The following SSX2IP variants were observed in gnomAD, a reference collection of about 807,000 sequenced individuals.
The protein encoded by SSX2IP is afadin- and alpha-actinin-binding protein.
SSX2IP carries 55 observed loss-of-function variants against 84.9 expected under a neutral mutation model. The observed-to-expected ratio is 0.65, with a 90% CI of 0.52 to 0.81. The LOEUF (loss-of-function observed/expected upper bound fraction) is 0.81. Among genes scored for constraint, SSX2IP ranks in the 30% least tolerant of loss-of-function variants. SSX2IP has a pLI of 0.00. For missense variants in SSX2IP, 664 were observed against 705.2 expected, an observed-to-expected ratio of 0.94 and a Z score of 0.66; for synonymous variants, 239 against 234.7, an observed-to-expected ratio of 1.02 and a Z score of -0.17.
intron 1 of SSX2IP, chr1:84,690,055 G>C (rs909023453): frequency 6.6e-6 from 1 of 152,136 alleles, no homozygotes; most frequent in Non-Finnish European, 1.5e-5. Flanking sequence ...CGCCAACCTT[G>C]CTCCATCCCA....
chr1:84,675,549 G>A (rs1654203529), intron 1 of SSX2IP, among the ~76,000 whole-genome samples: 1 of 152,120 alleles, frequency 6.6e-6, no homozygotes, highest in Non-Finnish European at 1.5e-5. Flanking sequence ...AAAATTCCTT[G>A]TGGGCCTCAA....
intron 1 of SSX2IP, among the ~76,000 whole-genome samples, chr1:84,682,197 C>G (rs562104137): frequency 6.6e-6 from 1 of 152,272 alleles, no homozygotes; most frequent in South Asian, 2.1e-4. Context: ...AATGTTTTCA[C>G]CTGTTTTGGA....
At chr1:84,653,068 C>A (rs1650551119) in intron 11 of SSX2IP, among the ~76,000 whole-genome samples, 2 of 152,068 alleles carry the variant, frequency 1.3e-5, no homozygotes, top group South Asian at 4.2e-4. Context: ...AGAAAAATTT[C>A]ACTTACGAAA....
chr1:84,681,229 T>C (rs1449845506), intron 1 of SSX2IP, among the ~76,000 whole-genome samples: 1 of 152,188 alleles, frequency 6.6e-6, no homozygotes, highest in Non-Finnish European at 1.5e-5. Context: ...AGAGCAAGCA[T>C]AATATATATT....
At chr1:84,665,525 T>G (rs1266809300) in intron 5 of SSX2IP, among the ~76,000 whole-genome samples, 1 of 152,188 alleles carries the variant, frequency 6.6e-6, no homozygotes, top group Non-Finnish European at 1.5e-5. Flanking sequence ...ACATAATAGT[T>G]TCTTTCTACA....
Position 84,656,471 on chromosome 1 carries a change from G to A in SSX2IP, c.1092C>T (p.His364=), listed in dbSNP as rs1651143045. 1.2e-6 allele frequency: 2 copies of A among 1,611,326 alleles called. No homozygotes were observed. Among genetic ancestry groups the A allele is most frequent in the South Asian group, 1.1e-5 (1 of 90,396 alleles). The part of the protein sequence containing the change: ...EKLDNQVSKV[H]LEGFNDEDVI... ...CATCTTCATCATTAAAACCTTCCAGGTGTACCTTTGAAACTAAGACAAAAT... is the reference window on the plus strand; with the variant it reads ...CATCTTCATCATTAAAACCTTCCAGATGTACCTTTGAAACTAAGACAAAAT... Residue 364 remains histidine (H), a synonymous_variant, in exon 10 of 14, where the codon CAC becomes CAT. Transcript: ENST00000342203.
At chr1:84,665,383 C>T (rs183628956) in intron 5 of SSX2IP, among the ~76,000 whole-genome samples, 1 of 152,168 alleles carries the variant, frequency 6.6e-6, no homozygotes, top group East Asian at 1.9e-4. Flanking sequence ...TAAACCACTC[C>T]AGGGCGCTTT....
chr1:84,669,202 T>C (rs1211158097), intron 4 of SSX2IP, among the ~76,000 whole-genome samples: 2 of 151,904 alleles, frequency 1.3e-5, no homozygotes, highest in Non-Finnish European at 2.9e-5. Flanking sequence ...GCAAGTTTAC[T>C]AAAGCATTTT....
Position 84,647,497 on chromosome 1 carries a change from C to T in SSX2IP, c.1781G>A (p.Gly594Asp). The T allele has an allele frequency of 6.2e-7, 1 of 1,613,128 alleles. No homozygotes were observed. Among genetic ancestry groups the T allele is most frequent in the Non-Finnish European group, 8.5e-7 (1 of 1,179,422 alleles). ...GCTCAAGGAGCATCCACTATAGCAA[C>T]CTTCCTGTGATCCAGGTCTTGATGC... is the stretch of plus-strand genomic sequence containing the variant. ...SVASRPGSQE[G>D]CYSGCSLSYT... is the part of the protein sequence containing the mutation. Residue 594 changes from glycine to aspartate, a missense_variant, in exon 14 of 14, where the codon GGT becomes GAT. Transcript: ENST00000342203.
At chr1:84,651,826 A>G in intron 12 of SSX2IP, 57 bp downstream of exon 12, 1 of 1,028,752 alleles carries the variant, frequency 9.7e-7, no homozygotes, top group African/African-American at 1.6e-5. Context: ...ATTTTGTAAT[A>G]TGTAAATAAT....
At chr1:84,652,241 G>A (rs897030217) in intron 11 of SSX2IP, 7 of 376,088 alleles carry the variant, frequency 1.9e-5, no homozygotes, top group Non-Finnish European at 3.5e-5. Context: ...TAGGCAACAC[G>A]GCAAAACCCT....
intron 1 of SSX2IP, among the ~76,000 whole-genome samples, chr1:84,679,565 G>A (rs1365941092): frequency 6.6e-6 from 1 of 152,126 alleles, no homozygotes; most frequent in African/African-American, 2.4e-5. Flanking sequence ...TCAGAGGCCC[G>A]GGTCAACAGA....
At chr1:84,684,460 G>C (rs1330572745) in intron 1 of SSX2IP, among the ~76,000 whole-genome samples, 1 of 152,218 alleles carries the variant, frequency 6.6e-6, no homozygotes, top group Non-Finnish European at 1.5e-5. Flanking sequence ...GCACTAAATG[G>C]AGGCTGAAAA....
intron 8 of SSX2IP, among the ~76,000 whole-genome samples, chr1:84,660,895 CAAAAAAAAAAAA>C (rs11362631): frequency 1.0e-5 from 1 of 98,050 alleles, no homozygotes. Context: ...TACTAAAATA[CAAAAAAAAAAAA>C]AAAAAAAAAA....
In SSX2IP at chr1:84,677,551, T is replaced by C. The variant is rs78501383; in HGVS notation, c.-89-6243A>G. Among the ~76,000 whole-genome samples, 19 of 152,270 alleles carry C rather than the reference T, an allele frequency of 1.2e-4. No individual in the cohort carries two copies. In the South Asian group the frequency reaches 3.5e-3, roughly 28 times the overall value. On this transcript the variant is annotated intron_variant, in intron 1 of 13. Transcript: ENST00000342203. ...CTCTTGGGTTATTCTGTTCCTTGAG[T>C]ATGGGCTAGATTTATTGACTAGCTT... is the stretch of plus-strand genomic sequence containing the variant.
At position 84,656,079 on chromosome 1, in the gene SSX2IP, G is replaced by A. The variant is rs923219800; in HGVS notation, c.1216-74C>T. On this transcript the variant is annotated intron_variant, in intron 10 of 13. Coordinates refer to ENST00000342203, the MANE Select transcript of SSX2IP (RefSeq NM_001166293.2). ...CCAACGAGTTGAAATGAAAGCAAGG[G>A]AAGGCCAGTCAAACTTCAGGGCAGG... is the stretch of plus-strand genomic sequence containing the variant. 1.8e-5 allele frequency: 24 copies of A among 1,344,452 alleles called. No individual in the cohort carries two copies. The South Asian group carries it at 2.7e-4, about 15-fold the overall frequency. The allele number at this position is 1,344,452 out of a possible 1,614,324, so 83.3% of individuals were successfully genotyped here.
intron 4 of SSX2IP, 134 bp from the exon 5 acceptor site, chr1:84,666,366 ATGTT>A: frequency 3.1e-6 from 2 of 646,442 alleles, no homozygotes; most frequent in Non-Finnish European, 5.4e-6. Flanking sequence ...GGCACATGAA[ATGTT>A]TATTTAAAGG....
rs748412841 is a variant in SSX2IP at position 84,645,258 on chromosome 1, C to G, written c.*2175G>C. On this transcript the variant is annotated 3_prime_UTR_variant, in exon 14 of 14. Coordinates refer to ENST00000342203, the MANE Select transcript of SSX2IP (RefSeq NM_001166293.2). ...TTTGTGTGTGGAGTCCTGGGTTTTC[C>G]AACAGACATCATTCCAGCATTCTGA... 1 of 152,110 alleles carries G rather than the reference C, an allele frequency of 6.6e-6. No homozygotes were observed. The highest frequency in any genetic ancestry group is 2.4e-5 in the African/African-American group (1 of 41,424). The allele number at this position is 152,110 out of a possible 1,614,324, so 9.4% of individuals were successfully genotyped here.
chr1:84,666,442 T>C (rs1235095242), intron 4 of SSX2IP, among the ~76,000 whole-genome samples: 1 of 152,134 alleles, frequency 6.6e-6, no homozygotes, highest in Non-Finnish European at 1.5e-5. Flanking sequence ...TTAATCTACA[T>C]ATCAAATTTT....
Sources: gnomAD v4.1 joint callset for allele counts (sites outside exome capture counted in the v4.1 genomes callset) on GRCh38, gnomAD v4.1.1 for gene constraint, MANE v1.5 for transcripts, NCBI Gene and HGNC (gene_info 2026-07-23, HGNC 2026-07-21) for gene names.